Variants in RNF130 observed in about 807,000 individuals in gnomAD.
RNF130 encodes ring finger protein 130, also known as E3 ubiquitin-protein ligase RNF130.
RNF130 carries 21 observed loss-of-function variants against 44.6 expected under a neutral mutation model. The observed-to-expected ratio is 0.47, with a 90% CI of 0.33 to 0.68. RNF130 has a LOEUF of 0.68. Among genes scored for constraint, RNF130 ranks in the 30% least tolerant of loss-of-function variants. The pLI, the probability that RNF130 is intolerant of heterozygous loss-of-function variation, is 0.02. For synonymous variants in RNF130, 214 were observed against 210.4 expected, an observed-to-expected ratio of 1.02 and a Z score of -0.15; for missense variants, 479 against 560.6, an observed-to-expected ratio of 0.85 and a Z score of 1.47.
chr5:179,924,657 C>G (rs780621605), intron 7 of RNF130, among the ~76,000 whole-genome samples: 7 of 151,952 alleles, frequency 4.6e-5, no homozygotes, highest in Admixed American at 6.6e-5. Flanking sequence ...GGCATGGTGG[C>G]GGGTGCCTGT....
At chr5:179,975,776 C>A (rs1308475750) in intron 5 of RNF130, among the ~76,000 whole-genome samples, 1 of 152,152 alleles carries the variant, frequency 6.6e-6, no homozygotes, top group African/African-American at 2.4e-5. Flanking sequence ...CAGCGAAATT[C>A]CGTGAACCGT....
intron 5 of RNF130, among the ~76,000 whole-genome samples, chr5:179,975,860 T>C (rs1203886419): frequency 6.6e-6 from 1 of 152,070 alleles, no homozygotes; most frequent in Non-Finnish European, 1.5e-5. Context: ...AGCGCAGAAA[T>C]GGTTCAGATC....
chr5:180,019,975 G>C (rs1343219041), intron 2 of RNF130, among the ~76,000 whole-genome samples: 1 of 152,220 alleles, frequency 6.6e-6, no homozygotes, highest in Non-Finnish European at 1.5e-5. Flanking sequence ...GGGCAGGACG[G>C]AGAGGTGAAG....
chr5:180,038,035 A>T (rs759935091), intron 2 of RNF130, among the ~76,000 whole-genome samples: 1 of 152,172 alleles, frequency 6.6e-6, no homozygotes, highest in Non-Finnish European at 1.5e-5. Flanking sequence ...TACTCAAAAT[A>T]AAACAGGGTT....
downstream of RNF130, among the ~76,000 whole-genome samples, chr5:179,954,874 C>T (rs1362010773): frequency 2.0e-5 from 3 of 152,214 alleles, no homozygotes; most frequent in Non-Finnish European, 4.4e-5. Flanking sequence ...ACTGAAAATC[C>T]TTCAAGCATA....
intron 2 of RNF130, among the ~76,000 whole-genome samples, chr5:180,013,802 TG>T: frequency 6.6e-6 from 1 of 152,332 alleles, no homozygotes; most frequent in Non-Finnish European, 1.5e-5. Context: ...GGAACATTCA[TG>T]GAGTACCCAC....
intron 6 of RNF130, among the ~76,000 whole-genome samples, chr5:179,967,873 C>G (rs1348215056): frequency 3.3e-5 from 5 of 152,224 alleles, no homozygotes; most frequent in Non-Finnish European, 7.3e-5. Context: ...CTAAGTGATG[C>G]TTAGGCTCAC....
intron 6 of RNF130, 77 bp downstream of exon 6, chr5:179,970,333 T>C: frequency 3.6e-6 from 4 of 1,100,342 alleles, no homozygotes; most frequent in Non-Finnish European, 5.2e-6. Flanking sequence ...CCTCCTATTA[T>C]GCCAATTATG....
At chr5:179,912,647 C>G (rs921072812) in exon 8 of RNF130, 1 of 152,278 alleles carries the variant, frequency 6.6e-6, no homozygotes, top group African/African-American at 2.4e-5. Context: ...GCACAGCCAG[C>G]AATCCGCAGC....
intron 3 of RNF130, among the ~76,000 whole-genome samples, chr5:179,989,426 G>C (rs1339655059): frequency 6.6e-6 from 1 of 152,120 alleles, no homozygotes; most frequent in East Asian, 1.9e-4. Flanking sequence ...CTTATTTATG[G>C]GTGCTATGGT....
Position 180,011,611 on chromosome 5 carries a change from T to A in RNF130, c.693+1450A>T, listed in dbSNP as rs191130737. Among the ~76,000 whole-genome samples the A allele has an allele frequency of 1.8e-4, 28 of 151,964 alleles. No homozygotes were observed. The East Asian group carries it at 5.2e-3, about 28-fold the overall frequency. On this transcript the variant is annotated intron_variant, in intron 3 of 8. Coordinates refer to ENST00000521389, the MANE Select transcript of RNF130 (RefSeq NM_018434.6). ...CAAGACCTGGCCTGTGCAAAAAAAT[T>A]AAAAAATTAGCCAGTCATGGTGGTG...
At chr5:180,032,689 T>TC (rs1247704488) in intron 2 of RNF130, among the ~76,000 whole-genome samples, 5 of 152,254 alleles carry the variant, frequency 3.3e-5, no homozygotes, top group African/African-American at 1.2e-4. Flanking sequence ...TCCACTGATC[T>TC]ATATGCCTGT....
chr5:180,058,548 T>C (rs1764892256), intron 1 of RNF130, among the ~76,000 whole-genome samples: 1 of 152,034 alleles, frequency 6.6e-6, no homozygotes, highest in Non-Finnish European at 1.5e-5. Context: ...TGTCATTTAA[T>C]GGGTATGTTT....
chr5:179,958,985 A>C (rs541723114), intron 8 of RNF130, among the ~76,000 whole-genome samples: 1 of 152,232 alleles, frequency 6.6e-6, no homozygotes. Context: ...CAGGCCACAA[A>C]GTTCTTTCTT....
At chr5:180,059,309 T>C (rs1302311886) in intron 1 of RNF130, among the ~76,000 whole-genome samples, 1 of 152,232 alleles carries the variant, frequency 6.6e-6, no homozygotes, top group East Asian at 1.9e-4. Context: ...GAGTCTCTTC[T>C]GCCATTTATG....
chr5:179,926,286 A>G (rs1761706696), intron 7 of RNF130, among the ~76,000 whole-genome samples: 1 of 152,124 alleles, frequency 6.6e-6, no homozygotes, highest in African/African-American at 2.4e-5. Flanking sequence ...CCACTGTTAA[A>G]ATTTTCTTTT....
At chr5:179,959,863 C>T (rs1762287680) in intron 8 of RNF130, among the ~76,000 whole-genome samples, 2 of 152,154 alleles carry the variant, frequency 1.3e-5, no homozygotes, top group African/African-American at 4.8e-5. Context: ...TTTACCACTT[C>T]AGATTCATTT....
At chr5:180,058,553 A>ATGTTTTTAT (rs1490745371) in intron 1 of RNF130, among the ~76,000 whole-genome samples, 1 of 151,782 alleles carries the variant, frequency 6.6e-6, no homozygotes, top group Non-Finnish European at 1.5e-5. Context: ...TTTAATGGGT[A>ATGTTTTTAT]TGTTTTTATT....
chr5:179,917,369 A>C (rs569948166), exon 8 of RNF130: 1 of 152,344 alleles, frequency 6.6e-6, no homozygotes, highest in Non-Finnish European at 1.5e-5. Flanking sequence ...AGGGGGGTGG[A>C]TGTGTGGTGT....
Sources: gnomAD v4.1 joint callset for allele counts (sites outside exome capture counted in the v4.1 genomes callset) on GRCh38, gnomAD v4.1.1 for gene constraint, MANE v1.5 for transcripts, NCBI Gene and HGNC (gene_info 2026-07-23, HGNC 2026-07-21) for gene names.